The following ABCC3 variants were observed in gnomAD, a reference collection of about 807,000 sequenced individuals.
ABCC3 encodes the protein ATP binding cassette subfamily C member 3.
A neutral mutation model predicts 165.3 loss-of-function variants in ABCC3; 121 were observed. The observed-to-expected ratio is 0.73, with a 90% CI of 0.63 to 0.85. The LOEUF is 0.85. Among genes scored for constraint, ABCC3 ranks in the 40% least tolerant of loss-of-function variants. The pLI, the probability that ABCC3 is intolerant of heterozygous loss-of-function variation, is 0.00. For missense variants in ABCC3, 1,869 were observed against 1,964.1 expected (o/e 0.95, Z 0.92); for synonymous variants, 733 against 810.1 (o/e 0.90, Z 1.62).
chr17:50,674,049 T>C (rs1169900576), intron 19 of ABCC3, among the ~76,000 whole-genome samples: 18 of 40,048 alleles, frequency 4.5e-4, no homozygotes, highest in African/African-American at 1.4e-3. Flanking sequence ...TCTTTCTTTC[T>C]TTCTTTCTTT....
chr17:50,668,452 T>C lies in ABCC3; in HGVS notation c.1805T>C (p.Ile602Thr). ...TAGGCCAGTGTGTCTCTGAAACGGA[T>C]CCAGCAATTCCTGAGCCAAGAGGAA... ...LTQASVSLKR[I>T]QQFLSQEELD... Residue 602 changes from isoleucine (I) to threonine (T), a missense_variant, in exon 14 of 31, where the codon ATC (isoleucine) becomes ACC (threonine). By Grantham distance (89) the Ile-to-Thr change is moderately conservative (BLOSUM62 -1). Coordinates refer to ENST00000285238, the MANE Select transcript of ABCC3 (RefSeq NM_003786.4). 1 of 1,613,880 alleles carries C rather than the reference T, an allele frequency of 6.2e-7. No individual in the cohort carries two copies.
intron 1 of ABCC3, among the ~76,000 whole-genome samples, chr17:50,647,783 AT>A (rs1447371452): frequency 6.6e-6 from 1 of 152,250 alleles, no homozygotes; most frequent in African/African-American, 2.4e-5. Context: ...CACACCTGTA[AT>A]CCCAGCACTT....
Position 50,676,391 on chromosome 17 carries a change from G to A in ABCC3, c.3181G>A (p.Asp1061Asn), listed in dbSNP as rs769397443. Residue 1061 changes from aspartate (D) to asparagine (N), a missense_variant, in exon 23 of 31, where the codon GAC (aspartate) becomes AAC (asparagine). Physicochemically the swap from Asp to Asn is conservative, Grantham distance 23 (BLOSUM62 1). Coordinates refer to ENST00000285238, the MANE Select transcript of ABCC3 (RefSeq NM_003786.4). Reference sequence around the variant, plus strand: ...GATACGCTCGCCACAGTCCTTCTTTGACACCACACCATCAGGCCGCATCCT... The same window carrying A: ...GATACGCTCGCCACAGTCCTTCTTTAACACCACACCATCAGGCCGCATCCT... ...NKIRSPQSFFDTTPSGRILNC... is the reference protein window; with the variant it reads ...NKIRSPQSFFNTTPSGRILNC... 22 of 1,614,210 alleles carry A rather than the reference G, an allele frequency of 1.4e-5. No homozygotes were observed. The Admixed American group carries it at 3.7e-4, about 27-fold the overall frequency.
intron 10 of ABCC3, 132 bp from the exon 11 acceptor site, chr17:50,665,021 C>G (rs760409491): frequency 4.1e-6 from 3 of 737,422 alleles, no homozygotes; most frequent in Non-Finnish European, 7.0e-6. Context: ...ATCTGTTTGG[C>G]CAACCACCAT....
chr17:50,673,956 CTTTCTTTCTTTCTTTCTTTCTT>C (rs1967716247), intron 19 of ABCC3, among the ~76,000 whole-genome samples: 2 of 17,332 alleles, frequency 1.2e-4, no homozygotes, highest in African/African-American at 5.0e-4. Flanking sequence ...TTCTTTCTTT[CTTTCTTTCTTTCTTTCTTTCTT>C]TCTCTCTCTC....
Position 50,679,857 on chromosome 17 carries a change from G to A in ABCC3, c.3765G>A (p.Val1255=). ...RMMSDLESNI[V]AVERVKEYSK... ...TGTCAGATTTGGAATCTAACATCGT[G>A]GCTGTGGAGAGGGTCAAGGAGTACT... The change falls in exon 26 of 31, where the codon GTG becomes GTA. Residue 1255 remains valine (V), a synonymous_variant. Transcript: ENST00000285238. 1 of 1,614,170 alleles carries A rather than the reference G, an allele frequency of 6.2e-7. No homozygotes were observed. Among genetic ancestry groups the A allele is most frequent in the Non-Finnish European group, 8.5e-7 (1 of 1,180,036 alleles).
At position 50,677,821 on chromosome 17, in the gene ABCC3, G is replaced by A. The variant is rs142831476; in HGVS notation, c.3456G>A (p.Ser1152=). 244 of 1,613,948 alleles carry A rather than the reference G, an allele frequency of 1.5e-4. No individual in the cohort carries two copies. Among genetic ancestry groups the A allele is most frequent in the Non-Finnish European group, 1.9e-4 (230 of 1,180,032 alleles). ...VSRSPIYSHF[S]ETVTGASVIR... is the part of the protein sequence containing the mutation. ...GCTCACCTATCTACTCCCACTTTTC[G>A]GAGACAGTGACTGGTGCCAGTGTCA... Residue 1152 remains serine, a synonymous_variant, in exon 24 of 31, where the codon TCG becomes TCA. Coordinates refer to ENST00000285238, the MANE Select transcript of ABCC3 (RefSeq NM_003786.4).
At chr17:50,645,213 AAAAG>A (rs1256824969) in intron 1 of ABCC3, among the ~76,000 whole-genome samples, 6 of 150,980 alleles carry the variant, frequency 4.0e-5, no homozygotes, top group Admixed American at 1.3e-4. Context: ...AAAAAAAAAA[AAAAG>A]AAAGAAATTA....
chr17:50,668,335 G>T, intron 13 of ABCC3, 95 bp from the exon 14 acceptor site: 1 of 1,081,688 alleles, frequency 9.2e-7, no homozygotes, highest in Admixed American at 1.9e-5. Context: ...CCCTCAGGGG[G>T]TCCTGCCTAG....
intron 13 of ABCC3, 90 bp from the exon 14 acceptor site, chr17:50,668,340 G>A: frequency 8.5e-7 from 1 of 1,173,262 alleles, no homozygotes; most frequent in Non-Finnish European, 1.3e-6. Flanking sequence ...AGGGGGTCCT[G>A]CCTAGCCCAG....
intron 26 of ABCC3, among the ~76,000 whole-genome samples, chr17:50,681,852 G>A (rs531691869): frequency 6.6e-6 from 1 of 151,936 alleles, no homozygotes; most frequent in Non-Finnish European, 1.5e-5. Context: ...CATTGCACCC[G>A]CCAGTCCACC....
intron 1 of ABCC3, among the ~76,000 whole-genome samples, chr17:50,645,216 AG>A (rs1439734486): frequency 6.7e-6 from 1 of 150,176 alleles, no homozygotes; most frequent in African/African-American, 2.4e-5. Flanking sequence ...AAAAAAAAAA[AG>A]AAAGAAATTA....
chr17:50,635,367 C>T (rs547205655), intron 1 of ABCC3: 6 of 650,192 alleles, frequency 9.2e-6, no homozygotes, highest in Admixed American at 2.2e-5. Flanking sequence ...AGGGTCTTCC[C>T]TCAGCATCTG....
intron 1 of ABCC3, among the ~76,000 whole-genome samples, chr17:50,639,383 C>CG (rs1489262539): frequency 1.3e-5 from 2 of 152,182 alleles, no homozygotes; most frequent in Admixed American, 1.3e-4. Context: ...CAGAGAGATA[C>CG]GGGGAAGGAA....
At chr17:50,643,557 C>T (rs1212992434) in intron 1 of ABCC3, 2 of 456,314 alleles carry the variant, frequency 4.4e-6, no homozygotes, top group Non-Finnish European at 4.4e-6. Flanking sequence ...AGAACCCAGC[C>T]CACTGCCTGA....
Position 50,663,997 on chromosome 17 carries a change from A to C in ABCC3, c.1224A>C (p.Glu408Asp). ...TCAAACGTGCGTCCACTGTGGGGGA[A>C]ATTGTCAACCTCATGTCAGTGGATG... The part of the protein sequence containing the change: ...NSVKRASTVG[E>D]IVNLMSVDAQ... The change falls in exon 10 of 31, where the codon GAA becomes GAC. Residue 408 changes from glutamate (E) to aspartate (D), a missense_variant. By Grantham distance (45) the Glu-to-Asp change is conservative (BLOSUM62 2). Transcript: ENST00000285238. The C allele has an allele frequency of 6.2e-7, 1 of 1,614,042 alleles. No individual in the cohort carries two copies. The highest frequency in any genetic ancestry group is 8.5e-7 in the Non-Finnish European group (1 of 1,179,970).
intron 1 of ABCC3, among the ~76,000 whole-genome samples, chr17:50,644,935 G>A (rs1459767288): frequency 6.6e-6 from 1 of 151,322 alleles, no homozygotes; most frequent in Admixed American, 6.6e-5. Flanking sequence ...GGAGAATGGC[G>A]TGAACCCGGG....
chr17:50,667,364 G>A (rs915359461), intron 11 of ABCC3, among the ~76,000 whole-genome samples, 190 bp from the exon 12 acceptor site: 2 of 152,122 alleles, frequency 1.3e-5, no homozygotes, highest in African/African-American at 4.8e-5. Flanking sequence ...TCAGGCAGAG[G>A]ACACAGGGAG....
chr17:50,656,705 C>G lies in ABCC3; in HGVS notation c.226C>G (p.Leu76Val). The stretch of plus-strand genomic sequence containing the variant: ...CCAACCTGTGCTCTCTTCGCAGGTC[C>G]TGGGTGTCCTGCTGTGGTGCGTCTC... ...LSHLSKLKMVLGVLLWCVSWA... is the reference protein window; with the variant it reads ...LSHLSKLKMVVGVLLWCVSWA... Residue 76 changes from leucine (L) to valine (V), a missense_variant, in exon 3 of 31, where the codon CTG (leucine) becomes GTG (valine). Transcript: ENST00000285238. 6.2e-7 allele frequency: 1 copy of G among 1,612,234 alleles called. No homozygotes were observed.
Sources: allele counts gnomAD v4.1 joint callset (sites outside exome capture counted in the v4.1 genomes callset), GRCh38; gene constraint gnomAD v4.1.1; transcripts MANE v1.5; gene names NCBI Gene and HGNC (gene_info 2026-07-23, HGNC 2026-07-21).